The following SAMD5 variants were observed in gnomAD, a reference collection of about 807,000 sequenced individuals.
The protein encoded by SAMD5 is sterile alpha motif domain containing 5, also known as sterile alpha motif domain-containing protein 5.
In SAMD5, 13 loss-of-function variants were observed where a neutral mutation model predicts 11.3. The ratio of observed to expected loss-of-function variants is 1.15; its 90% CI spans 0.75 to 1.83. SAMD5 has a LOEUF of 1.83. SAMD5 is among the 40% of genes most tolerant of loss of function. The pLI is 0.00. For synonymous variants in SAMD5, 129 were observed against 111.3 expected (o/e 1.16, Z -1.00); for missense variants, 255 against 239.1 (o/e 1.07, Z -0.44).
At chr6:147,522,684 A>G (rs531064491) in intron 1 of SAMD5, among the ~76,000 whole-genome samples, 1 of 152,338 alleles carries the variant, frequency 6.6e-6, no homozygotes, top group African/African-American at 2.4e-5. Context: ...TTTGACATTT[A>G]CCTTCAGTTG....
the SAMD5 span, among the ~76,000 whole-genome samples, chr6:147,892,991 T>G: frequency 1.5e-3 from 229 of 152,230 alleles, no homozygotes; most frequent in African/African-American, 5.2e-3. Context: ...GGTGGGTAGA[T>G]TGCCTGAAGT....
intron 1 of SAMD5, among the ~76,000 whole-genome samples, chr6:147,528,119 T>C (rs1788372946): frequency 6.6e-6 from 1 of 152,018 alleles, no homozygotes; most frequent in Admixed American, 6.5e-5. Flanking sequence ...GGGCTCCACC[T>C]CCAACACTGG....
At chr6:147,897,557 C>A in the SAMD5 span, among the ~76,000 whole-genome samples, 15 of 152,162 alleles carry the variant, frequency 9.9e-5, no homozygotes, top group African/African-American at 3.6e-4. Context: ...CATGACCCAG[C>A]AACTATGTGC....
intron 1 of SAMD5, among the ~76,000 whole-genome samples, chr6:147,515,399 A>G (rs1286626756): frequency 4.4e-5 from 6 of 137,200 alleles, no homozygotes. Flanking sequence ...CTGTCCATCC[A>G]TTCTTCCATT....
rs992127528 is a variant in SAMD5 at position 147,568,302 on chromosome 6, A to G, written c.*3846A>G. ...ATGAGCATGTCTGAATTTTTCCCTTATAAGAGCCTGAGTATTGTAACAGGT... is the reference window on the plus strand; with the variant it reads ...ATGAGCATGTCTGAATTTTTCCCTTGTAAGAGCCTGAGTATTGTAACAGGT... On this transcript the variant is annotated 3_prime_UTR_variant, in exon 2 of 2. Transcript: ENST00000367474. The G allele has an allele frequency of 1.0e-6, 1 of 985,242 alleles. No individual in the cohort carries two copies. Among genetic ancestry groups the G allele is most frequent in the Non-Finnish European group, 1.2e-6 (1 of 829,866 alleles). 61.0% of individuals were successfully genotyped at this position (985,242 alleles called of 1,614,324 possible).
intron 1 of SAMD5, among the ~76,000 whole-genome samples, chr6:147,662,248 C>A (rs1026669072): frequency 2.6e-5 from 4 of 152,152 alleles, no homozygotes; most frequent in Admixed American, 2.6e-4. Flanking sequence ...TGAAGTCCAT[C>A]CCATTTTTTA....
chr6:147,681,099 T>C (rs1790933944), intron 1 of SAMD5, among the ~76,000 whole-genome samples: 1 of 152,192 alleles, frequency 6.6e-6, no homozygotes, highest in Non-Finnish European at 1.5e-5. Context: ...TAGTACAGTT[T>C]ACCAGTGAAG....
chr6:147,825,629 A>G, the SAMD5 span, among the ~76,000 whole-genome samples: 3 of 152,202 alleles, frequency 2.0e-5, no homozygotes, highest in Admixed American at 6.5e-5. Context: ...GTTCTATTAC[A>G]GGTGGGTAGT....
chr6:147,695,837 T>G (rs978455525), intron 1 of SAMD5, among the ~76,000 whole-genome samples: 10 of 152,210 alleles, frequency 6.6e-5, no homozygotes, highest in Non-Finnish European at 1.3e-4. Flanking sequence ...TATATATGCT[T>G]CTTATAATTC....
chr6:147,706,619 C>T (rs1791328563), intron 1 of SAMD5, among the ~76,000 whole-genome samples: 1 of 152,204 alleles, frequency 6.6e-6, no homozygotes, highest in African/African-American at 2.4e-5. Context: ...TTATTCTAAA[C>T]ATGGATTGAA....
chr6:147,569,403 T>G lies in SAMD5; in HGVS notation c.*4947T>G. 5 of 960,362 alleles carry G rather than the reference T, an allele frequency of 5.2e-6. No homozygotes were observed. Among genetic ancestry groups the G allele is most frequent in the Non-Finnish European group, 6.2e-6 (5 of 807,128 alleles). 59.5% of individuals were successfully genotyped at this position (960,362 alleles called of 1,614,324 possible). A position where few individuals can be genotyped will look rare whatever the true frequency, so the allele number is the denominator to read the frequency against. The stretch of plus-strand genomic sequence containing the variant: ...GCTAAATTCCATGTTAAGAGCTAAG[T>G]AGTATTTTTTTCTTAACAATTTTGC... On this transcript the variant is annotated 3_prime_UTR_variant, in exon 2 of 2. Transcript: ENST00000367474.
intron 1 of SAMD5, among the ~76,000 whole-genome samples, chr6:147,662,760 T>A (rs963093648): frequency 5.9e-5 from 9 of 152,106 alleles, no homozygotes; most frequent in African/African-American, 2.2e-4. Context: ...GCTACATCAG[T>A]CTTCTGCATG....
the SAMD5 span, among the ~76,000 whole-genome samples, chr6:147,917,464 G>A: frequency 6.6e-6 from 1 of 151,996 alleles, no homozygotes; most frequent in Non-Finnish European, 1.5e-5. Flanking sequence ...TTAGCCCTTT[G>A]TCAGATAAGT....
At chr6:147,952,891 C>G in the SAMD5 span, among the ~76,000 whole-genome samples, 1 of 152,164 alleles carries the variant, frequency 6.6e-6, no homozygotes, top group Non-Finnish European at 1.5e-5. Context: ...AATGTATTAT[C>G]TCCTTTTTTA....
intron 1 of SAMD5, among the ~76,000 whole-genome samples, chr6:147,594,086 G>A (rs1046164258): frequency 6.6e-6 from 1 of 151,814 alleles, no homozygotes; most frequent in Admixed American, 6.6e-5. Flanking sequence ...CTGAGATCGC[G>A]CCACTGCACT....
chr6:147,818,456 T>C, the SAMD5 span, among the ~76,000 whole-genome samples: 4 of 152,358 alleles, frequency 2.6e-5, no homozygotes, highest in East Asian at 7.7e-4. Flanking sequence ...TTATTGTATG[T>C]ACTTATTACC....
chr6:147,642,763 C>T (rs536052105), intron 1 of SAMD5, among the ~76,000 whole-genome samples: 2 of 152,262 alleles, frequency 1.3e-5, no homozygotes, highest in African/African-American at 4.8e-5. Flanking sequence ...CAAACTAAGG[C>T]TTCAAAACCA....
chr6:147,665,925 T>C (rs1223767922), intron 1 of SAMD5, among the ~76,000 whole-genome samples: 1 of 152,200 alleles, frequency 6.6e-6, no homozygotes, highest in African/African-American at 2.4e-5. Flanking sequence ...AAGTATCTTA[T>C]TGCTCTCAGT....
chr6:147,722,320 G>A (rs548502224), intron 1 of SAMD5, among the ~76,000 whole-genome samples: 1 of 151,294 alleles, frequency 6.6e-6, no homozygotes, highest in South Asian at 2.1e-4. Flanking sequence ...GTATATAGAT[G>A]CGCATTCACA....
Sources: gnomAD v4.1 joint callset for allele counts (sites outside exome capture counted in the v4.1 genomes callset) on GRCh38, gnomAD v4.1.1 for gene constraint, MANE v1.5 for transcripts, NCBI Gene and HGNC (gene_info 2026-07-23, HGNC 2026-07-21) for gene names.